LMX1A: variants seen among roughly 807,000 people sequenced by gnomAD.
The protein encoded by LMX1A is LIM homeobox transcription factor 1 alpha.
Under a neutral mutation model 49.1 loss-of-function variants are expected in LMX1A, and 15 were observed. The observed-to-expected ratio is 0.31, with a 90% CI of 0.20 to 0.47. The LOEUF (loss-of-function observed/expected upper bound fraction) is 0.47, where lower values mean the gene tolerates loss of function less well. LMX1A is among the 20% of genes least tolerant of loss of function. LMX1A has a pLI of 1.00. For synonymous variants in LMX1A, 167 were observed against 185.7 expected (o/e 0.90, Z 0.82); for missense variants, 372 against 475.8 (o/e 0.78, Z 2.03).
At chr1:165,295,636 C>T (rs1281076305) in intron 3 of LMX1A, among the ~76,000 whole-genome samples, 1 of 152,044 alleles carries the variant, frequency 6.6e-6, no homozygotes, top group Non-Finnish European at 1.5e-5. Context: ...GATGCTGATA[C>T]ATTCCACATA....
At chr1:165,219,753 A>G (rs1651770359) in intron 4 of LMX1A, among the ~76,000 whole-genome samples, 1 of 152,158 alleles carries the variant, frequency 6.6e-6, no homozygotes, top group African/African-American at 2.4e-5. Context: ...TCTTTCATTT[A>G]CTCTTACACT....
chr1:165,259,310 AG>A (rs1394493727), intron 3 of LMX1A, among the ~76,000 whole-genome samples: 1 of 152,188 alleles, frequency 6.6e-6, no homozygotes, highest in Non-Finnish European at 1.5e-5. Flanking sequence ...CCCTAACCCA[AG>A]GTCAATATTG....
At chr1:165,349,713 T>C (rs1279946705) in intron 3 of LMX1A, among the ~76,000 whole-genome samples, 2 of 152,190 alleles carry the variant, frequency 1.3e-5, no homozygotes, top group Admixed American at 6.5e-5. Flanking sequence ...TTCCGATGCA[T>C]AGTTGTGTGT....
intron 3 of LMX1A, among the ~76,000 whole-genome samples, chr1:165,312,766 G>A (rs1199766790): frequency 1.3e-5 from 2 of 152,236 alleles, no homozygotes; most frequent in Non-Finnish European, 2.9e-5. Context: ...GCCTGCAGCA[G>A]ACACTGTACC....
chr1:165,289,356 AT>A (rs1164176243), intron 3 of LMX1A, among the ~76,000 whole-genome samples: 9 of 152,114 alleles, frequency 5.9e-5, no homozygotes, highest in African/African-American at 2.2e-4. Context: ...TGATATGAGC[AT>A]TCTAGCATGT....
intron 4 of LMX1A, among the ~76,000 whole-genome samples, chr1:165,219,257 C>T (rs992878716): frequency 2.0e-5 from 3 of 152,106 alleles, no homozygotes; most frequent in Non-Finnish European, 2.9e-5. Flanking sequence ...AAAATCCCAA[C>T]GGCCCATAAA....
At chr1:165,235,936 G>C (rs1409254566) in intron 4 of LMX1A, among the ~76,000 whole-genome samples, 1 of 152,078 alleles carries the variant, frequency 6.6e-6, no homozygotes, top group East Asian at 1.9e-4. Context: ...GCATTTCTAA[G>C]GGGCCTTTGA....
intron 3 of LMX1A, among the ~76,000 whole-genome samples, chr1:165,337,073 G>A (rs577286635): frequency 1.4e-4 from 21 of 152,214 alleles, no homozygotes; most frequent in African/African-American, 5.1e-4. Context: ...AATGTATTTT[G>A]TTTATTTTCT....
At chr1:165,284,557 A>G (rs1214864797) in intron 3 of LMX1A, among the ~76,000 whole-genome samples, 2 of 152,204 alleles carry the variant, frequency 1.3e-5, no homozygotes, top group Non-Finnish European at 2.9e-5. Context: ...CACGGTGCCT[A>G]CCCAGACCCC....
intron 3 of LMX1A, among the ~76,000 whole-genome samples, chr1:165,278,727 C>A (rs1654045796): frequency 6.6e-6 from 1 of 152,172 alleles, no homozygotes; most frequent in African/African-American, 2.4e-5. Flanking sequence ...CCCTCTGCTC[C>A]AGGGGACTGC....
intron 3 of LMX1A, among the ~76,000 whole-genome samples, chr1:165,340,932 T>C (rs1656055343): frequency 6.6e-6 from 1 of 152,186 alleles, no homozygotes; most frequent in South Asian, 2.1e-4. Context: ...GTCATGTTTG[T>C]CCTCTTCATT....
intron 4 of LMX1A, among the ~76,000 whole-genome samples, chr1:165,232,743 T>C (rs1652279307): frequency 6.6e-6 from 1 of 152,188 alleles, no homozygotes; most frequent in Admixed American, 6.5e-5. Context: ...GCAGAGATTG[T>C]GTCTGGAGTC....
intron 3 of LMX1A, among the ~76,000 whole-genome samples, chr1:165,277,271 G>A (rs949687490): frequency 7.2e-5 from 11 of 152,154 alleles, no homozygotes; most frequent in African/African-American, 2.7e-4. Flanking sequence ...GGGTCAGAAA[G>A]GCTCTGTGGG....
chr1:165,206,076 C>G, intron 7 of LMX1A, 42 bp from the exon 8 acceptor site: 1 of 1,491,804 alleles, frequency 6.7e-7, no homozygotes, highest in Non-Finnish European at 9.0e-7. Flanking sequence ...CAACGTGCAG[C>G]CTGGCATGTG....
chr1:165,209,058 A>C (rs1181109091), intron 6 of LMX1A, among the ~76,000 whole-genome samples: 1 of 152,206 alleles, frequency 6.6e-6, no homozygotes, highest in Non-Finnish European at 1.5e-5. Flanking sequence ...TGTGTGTAGG[A>C]AACACTAGAT....
At chr1:165,260,144 C>T (rs1319871948) in intron 3 of LMX1A, among the ~76,000 whole-genome samples, 7 of 152,140 alleles carry the variant, frequency 4.6e-5, no homozygotes, top group African/African-American at 1.7e-4. Context: ...TGTCAGTTTT[C>T]CTTTCGCTTC....
At chr1:165,252,997 T>C (rs947995734) in intron 3 of LMX1A, among the ~76,000 whole-genome samples, 5 of 152,230 alleles carry the variant, frequency 3.3e-5, no homozygotes, top group Admixed American at 6.5e-5. Context: ...CCCTGAAATA[T>C]ACCAAACTCT....
At chr1:165,294,007 T>C (rs1310685604) in intron 3 of LMX1A, among the ~76,000 whole-genome samples, 1 of 152,210 alleles carries the variant, frequency 6.6e-6, no homozygotes, top group Non-Finnish European at 1.5e-5. Flanking sequence ...ATTAGAGCCC[T>C]ATGAAAGAGA....
intron 5 of LMX1A, among the ~76,000 whole-genome samples, chr1:165,211,785 C>G (rs1365980295): frequency 6.6e-6 from 1 of 152,218 alleles, no homozygotes; most frequent in African/African-American, 2.4e-5. Context: ...TCAAAAGCCA[C>G]CTGTTCCACA....
Sources: allele counts gnomAD v4.1 joint callset (sites outside exome capture counted in the v4.1 genomes callset), GRCh38; gene constraint gnomAD v4.1.1; transcripts MANE v1.5; gene names NCBI Gene and HGNC (gene_info 2026-07-23, HGNC 2026-07-21).